The following KLHDC1 variants were observed in gnomAD, a reference collection of about 807,000 sequenced individuals.
The protein encoded by KLHDC1 is kelch domain-containing protein 1.
A neutral mutation model predicts 68.3 loss-of-function variants in KLHDC1; 53 were observed. The observed-to-expected ratio is 0.78, with a 90% CI of 0.62 to 0.98. The LOEUF is 0.98. Among genes scored for constraint, KLHDC1 ranks in the 50% least tolerant of loss-of-function variants. The probability of loss-of-function intolerance (pLI) is 0.00; values close to 1 mark genes in which losing one functional copy is unlikely to be tolerated. For missense variants in KLHDC1, 470 were observed against 492.3 expected (o/e 0.95, Z 0.43); for synonymous variants, 148 against 159.0 (o/e 0.93, Z 0.52).
rs1272011549 is a variant in KLHDC1, at chr14:49,748,823, CAG to C, written c.1035-2760_1035-2759del. 4.5e-4 allele frequency among the ~76,000 whole-genome samples: 67 copies of C among 149,040 alleles called. 1 individual carries two copies. The highest frequency in any genetic ancestry group is 5.9e-5 in the Non-Finnish European group (4 of 67,560). ...TTTTTCTTTTTTTTTTCTTTTGAGA[CAG>C]AGTCTCACTCTGTCACCAAGGCTGG... On this transcript the variant is annotated intron_variant, in intron 12 of 12. Transcript: ENST00000359332.
At chr14:49,744,121 C>CA (rs35140225) in intron 12 of KLHDC1, among the ~76,000 whole-genome samples, 36 of 148,410 alleles carry the variant, frequency 2.4e-4, no homozygotes, top group African/African-American at 8.9e-4. Context: ...CACGACTCTA[C>CA]AAAAAAAAAA....
At chr14:49,722,824 C>T (rs1409889064) in intron 4 of KLHDC1, among the ~76,000 whole-genome samples, 11 of 152,134 alleles carry the variant, frequency 7.2e-5, no homozygotes, top group African/African-American at 2.4e-4. Flanking sequence ...CAGTGGCTCA[C>T]GCCTGTAATC....
At chr14:49,699,486 T>C (rs1887840703) in intron 1 of KLHDC1, among the ~76,000 whole-genome samples, 1 of 152,018 alleles carries the variant, frequency 6.6e-6, no homozygotes, top group African/African-American at 2.4e-5. Context: ...AACAATTATC[T>C]TATTCCGATC....
In KLHDC1 at chr14:49,703,344, A is replaced by T. The variant is rs1310239678; in HGVS notation, c.97-5815A>T. Reference sequence around the variant, plus strand: ...TCATAGCATATGTTTTCTTTCATGAATTTTTTTTTTTTTTTGAGACAGAGT... The same window carrying T: ...TCATAGCATATGTTTTCTTTCATGATTTTTTTTTTTTTTTTGAGACAGAGT... On this transcript the variant is annotated intron_variant, in intron 1 of 12. Coordinates refer to ENST00000359332, the MANE Select transcript of KLHDC1 (RefSeq NM_172193.3). Among the ~76,000 whole-genome samples the T allele has an allele frequency of 3.5e-5, 5 of 141,890 alleles. No homozygotes were observed. In the East Asian group the frequency reaches 8.1e-4, roughly 23 times the overall value. 93.1% of individuals were successfully genotyped at this position (141,890 alleles called of 152,430 possible).
chr14:49,714,895 A>G (rs981295003), intron 4 of KLHDC1, among the ~76,000 whole-genome samples: 4 of 147,310 alleles, frequency 2.7e-5, no homozygotes, highest in African/African-American at 9.9e-5. Context: ...TGTATACTTA[A>G]TATATATTTA....
chr14:49,693,460 C>T (rs963737086), intron 1 of KLHDC1, among the ~76,000 whole-genome samples, 170 bp downstream of exon 1: 5 of 151,852 alleles, frequency 3.3e-5, no homozygotes, highest in East Asian at 1.9e-4. Flanking sequence ...CGCGCCAGGG[C>T]TTGACGTCGT....
At position 49,697,187 on chromosome 14, in the gene KLHDC1, G is replaced by C. The variant is rs556948330; in HGVS notation, c.96+3897G>C. On this transcript the variant is annotated intron_variant, in intron 1 of 12. Transcript: ENST00000359332. ...CCTGACCTCGTGATCCGCCCGCCTC[G>C]GCCTCCCAGAGTGCTGGGATTATAG... Among the ~76,000 whole-genome samples, 3 of 152,094 alleles carry C rather than the reference G, an allele frequency of 2.0e-5. 1 individual carries two copies. The highest frequency in any genetic ancestry group is 4.4e-5 in the Non-Finnish European group (3 of 68,022).
chr14:49,703,910 C>T (rs967097368), intron 1 of KLHDC1, among the ~76,000 whole-genome samples: 1 of 148,338 alleles, frequency 6.7e-6, no homozygotes, highest in Admixed American at 6.7e-5. Flanking sequence ...TGTAAGCATT[C>T]TTATAACATG....
chr14:49,693,748 C>CTTTTTTCTTTTTTTTTTTTTTTTTTT (rs1887645959), intron 1 of KLHDC1, among the ~76,000 whole-genome samples: 2 of 61,540 alleles, frequency 3.2e-5, no homozygotes, highest in East Asian at 7.5e-4. Flanking sequence ...TTTTCTTTTT[C>CTTTTTTCTTTTTTTTTTTTTTTTTTT]TTTTTTTTTT....
In KLHDC1 at chr14:49,707,297, T is replaced by TGTGA. The variant is rs926974146; in HGVS notation, c.97-1861_97-1860insTGAG. ...ATGTGTGTGTGTGTGTGTGTGTGTG[T>TGTGA]GAGAGAGAGAGAGAGAGAGAGACAT... On this transcript the variant is annotated intron_variant, in intron 1 of 12. Transcript: ENST00000359332. 1.4e-3 allele frequency among the ~76,000 whole-genome samples: 165 copies of TGTGA among 120,854 alleles called. 1 individual carries two copies. Among genetic ancestry groups the TGTGA allele is most frequent in the African/African-American group, 1.6e-3 (50 of 32,052 alleles). 79.3% of individuals were successfully genotyped at this position (120,854 alleles called of 152,430 possible). A position where few individuals can be genotyped will look rare whatever the true frequency, so the allele number is the denominator to read the frequency against.
chr14:49,705,857 A>G (rs1163889478), intron 1 of KLHDC1, among the ~76,000 whole-genome samples: 4 of 152,110 alleles, frequency 2.6e-5, no homozygotes, highest in Middle Eastern at 3.4e-3. Flanking sequence ...TTTAATTTTA[A>G]TTTTTGTGGG....
chr14:49,742,966 C>T (rs139828393), intron 11 of KLHDC1, among the ~76,000 whole-genome samples: 156 of 134,292 alleles, frequency 1.2e-3, no homozygotes, highest in African/African-American at 4.1e-3. Flanking sequence ...CAGCTACTTG[C>T]GGGGCTGAGG....
At chr14:49,729,069 C>T in intron 7 of KLHDC1, 60 bp downstream of exon 7, 1 of 1,151,022 alleles carries the variant, frequency 8.7e-7, no homozygotes, top group Non-Finnish European at 1.3e-6. Context: ...AAAATTTATC[C>T]TCTGATTTCG....
At chr14:49,694,410 A>T (rs1402335212) in intron 1 of KLHDC1, among the ~76,000 whole-genome samples, 2 of 152,184 alleles carry the variant, frequency 1.3e-5, no homozygotes, top group East Asian at 3.8e-4. Context: ...AATGACCAAC[A>T]TACAGGCATA....
chr14:49,738,794 A>G (rs528354253), intron 10 of KLHDC1, among the ~76,000 whole-genome samples: 5 of 152,356 alleles, frequency 3.3e-5, no homozygotes, highest in African/African-American at 9.6e-5. Flanking sequence ...CCAGAGTGGG[A>G]GGATGCCCTA....
rs1238907979 is a variant in KLHDC1, at chr14:49,693,132, A to C, written c.-63A>C. The C allele has an allele frequency of 3.5e-6, 5 of 1,425,876 alleles. No individual in the cohort carries two copies. The highest frequency in any genetic ancestry group is 1.2e-5 in the South Asian group (1 of 80,014). 88.3% of individuals were successfully genotyped at this position (1,425,876 alleles called of 1,614,324 possible). On this transcript the variant is annotated 5_prime_UTR_variant, in exon 1 of 13. Transcript: ENST00000359332. ...TCGTGCGTGGAGCAGTCGGGGCTGG[A>C]GGCGAGGCCGCCGGGCGGGCAGGGG...
intron 12 of KLHDC1, chr14:49,751,200 A>G (rs1833455114): frequency 6.6e-6 from 1 of 152,468 alleles, no homozygotes; most frequent in Non-Finnish European, 1.5e-5. Flanking sequence ...TCTCTATGCT[A>G]TAAAAATATA....
intron 1 of KLHDC1, chr14:49,700,111 C>T: frequency 6.7e-6 from 2 of 299,164 alleles, no homozygotes; most frequent in Non-Finnish European, 1.3e-5. Flanking sequence ...ACTGCAACCT[C>T]CGCCTCCCAG....
chr14:49,746,710 C>T (rs1889207080), intron 12 of KLHDC1, among the ~76,000 whole-genome samples: 1 of 152,182 alleles, frequency 6.6e-6, no homozygotes, highest in Admixed American at 6.5e-5. Flanking sequence ...TCACTGAGGA[C>T]TTTGGCCCTG....
Sources: allele counts gnomAD v4.1 joint callset (sites outside exome capture counted in the v4.1 genomes callset), GRCh38; gene constraint gnomAD v4.1.1; transcripts MANE v1.5; gene names NCBI Gene and HGNC (gene_info 2026-07-23, HGNC 2026-07-21).